MEI4: variants seen among roughly 807,000 people sequenced by gnomAD.
MEI4 encodes the protein meiotic double-stranded break formation protein 4, also known as meiosis-specific protein MEI4.
MEI4 carries 27 observed loss-of-function variants against 31.4 expected under a neutral mutation model. That is an observed-to-expected ratio of 0.86 (90% CI 0.63 to 1.19). The LOEUF is 1.19. Ranked by LOEUF, MEI4 falls within the 50% of genes most tolerant of loss-of-function variation. MEI4 has a pLI of 0.00. For missense variants in MEI4, 329 were observed against 398.9 expected, an observed-to-expected ratio of 0.82 and a Z score of 1.49; for synonymous variants, 122 against 145.4, an observed-to-expected ratio of 0.84 and a Z score of 1.16.
chr6:77,696,841 T>C (rs1766059280), intron 2 of MEI4, among the ~76,000 whole-genome samples: 1 of 152,236 alleles, frequency 6.6e-6, no homozygotes, highest in Non-Finnish European at 1.5e-5. Flanking sequence ...GAAGGAATGG[T>C]ACCAGCTCCT....
At chr6:77,823,285 A>G (rs993804178) in intron 3 of MEI4, among the ~76,000 whole-genome samples, 9 of 152,292 alleles carry the variant, frequency 5.9e-5, no homozygotes, top group Admixed American at 1.3e-4. Context: ...TTGACTTTCA[A>G]TTGAGATTGA....
chr6:77,864,900 T>A (rs1446251479), intron 4 of MEI4, among the ~76,000 whole-genome samples: 1 of 152,062 alleles, frequency 6.6e-6, no homozygotes, highest in East Asian at 1.9e-4. Flanking sequence ...CACAGTGCAA[T>A]CAAACTAGGA....
chr6:77,842,191 T>A (rs991133798), intron 4 of MEI4, among the ~76,000 whole-genome samples: 1 of 152,098 alleles, frequency 6.6e-6, no homozygotes, highest in Non-Finnish European at 1.5e-5. Flanking sequence ...TTAACAAGAT[T>A]TAAAGAATCA....
At chr6:77,842,034 A>G (rs990794273) in intron 4 of MEI4, among the ~76,000 whole-genome samples, 1 of 152,180 alleles carries the variant, frequency 6.6e-6, no homozygotes, top group Non-Finnish European at 1.5e-5. Context: ...AAAATCAGGC[A>G]TAAAATCAGC....
At position 77,847,504 on chromosome 6, in the gene MEI4, G is replaced by A. The variant is rs1220057433; in HGVS notation, c.900+18442G>A. Among the ~76,000 whole-genome samples the A allele has an allele frequency of 6.6e-6, 1 of 152,044 alleles. No individual in the cohort carries two copies. The highest frequency in any genetic ancestry group is 2.4e-5 in the African/African-American group (1 of 41,392). On this transcript the variant is annotated intron_variant, in intron 4 of 4. Transcript: ENST00000684080. This position sits in a 1 kb window ranked among gnomAD's most constrained non-coding sequence, Gnocchi z 4.6. ...TCAGTGTCATGAGAAAATATCAAAT[G>A]CATTTCAATAATATACCTTTACTGA...
At chr6:77,755,501 C>T (rs1319883001) in intron 2 of MEI4, among the ~76,000 whole-genome samples, 1 of 151,912 alleles carries the variant, frequency 6.6e-6, no homozygotes, top group African/African-American at 2.4e-5. Context: ...TTACTGAAAC[C>T]TCCACCTCCC....
At chr6:77,788,163 C>G (rs996547485) in intron 3 of MEI4, among the ~76,000 whole-genome samples, 1 of 152,182 alleles carries the variant, frequency 6.6e-6, no homozygotes, top group African/African-American at 2.4e-5. Context: ...ACATGATTAT[C>G]TCAATAGATG....
intron 4 of MEI4, among the ~76,000 whole-genome samples, chr6:77,849,511 G>A (rs971121687): frequency 3.3e-5 from 5 of 152,162 alleles, no homozygotes; most frequent in African/African-American, 9.7e-5. Context: ...ACTTCCCTTG[G>A]AGATAACAAT....
intron 2 of MEI4, among the ~76,000 whole-genome samples, chr6:77,741,822 A>G (rs186419617): frequency 0.019 from 2,335 of 124,514 alleles, 28 homozygotes; most frequent in Admixed American, 0.027. Context: ...TCCTGTGTCC[A>G]TGTGTTCTCA....
At chr6:77,854,096 T>C (rs1770694192) in intron 4 of MEI4, among the ~76,000 whole-genome samples, 1 of 152,142 alleles carries the variant, frequency 6.6e-6, no homozygotes, top group Non-Finnish European at 1.5e-5. Context: ...TGAATTATTA[T>C]TTTTATGTTT....
At chr6:77,920,940 A>G (rs1352937173) in intron 4 of MEI4, among the ~76,000 whole-genome samples, 1 of 151,880 alleles carries the variant, frequency 6.6e-6, no homozygotes, top group Non-Finnish European at 1.5e-5. Flanking sequence ...GCCAGAGTAG[A>G]TTTAGCATAA....
intron 4 of MEI4, among the ~76,000 whole-genome samples, chr6:77,860,863 A>C (rs1172969749): frequency 6.6e-6 from 1 of 152,106 alleles, no homozygotes; most frequent in African/African-American, 2.4e-5. Context: ...TGAACATTTT[A>C]TCTCTTCTTC....
intron 2 of MEI4, among the ~76,000 whole-genome samples, chr6:77,744,401 A>T (rs1554159520): frequency 6.6e-6 from 1 of 152,204 alleles, no homozygotes; most frequent in African/African-American, 2.4e-5. Flanking sequence ...AAATGAAGCG[A>T]CAAGAGAAGT....
At chr6:77,739,034 GC>G (rs1208381264) in intron 2 of MEI4, among the ~76,000 whole-genome samples, 1 of 152,028 alleles carries the variant, frequency 6.6e-6, no homozygotes, top group Non-Finnish European at 1.5e-5. Context: ...TCTGTCAGTT[GC>G]CTGTTCACTA....
chr6:77,726,244 G>A (rs1344145185), intron 2 of MEI4, among the ~76,000 whole-genome samples: 1 of 149,770 alleles, frequency 6.7e-6, no homozygotes, highest in Non-Finnish European at 1.5e-5. Flanking sequence ...GGGGTTGGGG[G>A]TAAGGTCACA....
At chr6:77,873,797 G>A (rs558232539) in intron 4 of MEI4, among the ~76,000 whole-genome samples, 4 of 152,080 alleles carry the variant, frequency 2.6e-5, no homozygotes, top group South Asian at 2.1e-4. Context: ...TGTAAGGAAG[G>A]GATCCAGTTT....
At chr6:77,706,345 C>T (rs1766333650) in intron 2 of MEI4, among the ~76,000 whole-genome samples, 1 of 152,136 alleles carries the variant, frequency 6.6e-6, no homozygotes, top group South Asian at 2.1e-4. Context: ...AGGAAAAATC[C>T]AAACAGACAG....
intron 2 of MEI4, among the ~76,000 whole-genome samples, chr6:77,744,557 C>A (rs1167686658): frequency 6.6e-6 from 1 of 152,078 alleles, no homozygotes; most frequent in South Asian, 2.1e-4. Context: ...AGGATATTAT[C>A]CAGGAGAACT....
intron 2 of MEI4, among the ~76,000 whole-genome samples, chr6:77,744,618 A>G (rs1053590809): frequency 6.6e-6 from 1 of 152,166 alleles, no homozygotes; most frequent in African/African-American, 2.4e-5. Flanking sequence ...AATACAGAGA[A>G]CGCCACAAAG....
Sources: gnomAD v4.1 joint callset for allele counts (sites outside exome capture counted in the v4.1 genomes callset) on GRCh38, gnomAD v4.1.1 for gene constraint, Gnocchi (gnomAD v3.1) non-coding constraint, MANE v1.5 for transcripts, NCBI Gene and HGNC (gene_info 2026-07-23, HGNC 2026-07-21) for gene names.